SHISA9: variants seen among roughly 807,000 people sequenced by gnomAD.
SHISA9 encodes the protein shisa family member 9.
A neutral mutation model predicts 38.0 loss-of-function variants in SHISA9; 13 were observed. That is an observed-to-expected ratio of 0.34 (90% confidence interval 0.22 to 0.54). The LOEUF is 0.54. Ranked by LOEUF, SHISA9 falls within the 20% of genes least tolerant of loss-of-function variation. The pLI, the probability that SHISA9 is intolerant of heterozygous loss-of-function variation, is 0.91. For synonymous variants in SHISA9, 275 were observed against 242.0 expected (o/e 1.14, Z -1.27); for missense variants, 538 against 575.8 (o/e 0.93, Z 0.67).
downstream of SHISA9, among the ~76,000 whole-genome samples, chr16:13,243,372 G>A (rs2142097686): frequency 6.6e-6 from 1 of 152,160 alleles, no homozygotes; most frequent in East Asian, 1.9e-4. Flanking sequence ...ATTTTAGGGA[G>A]ACATGAGACA....
At chr16:13,140,078 C>CCTCTT (rs1292355855) in intron 2 of SHISA9, among the ~76,000 whole-genome samples, 1 of 137,428 alleles carries the variant, frequency 7.3e-6, no homozygotes, top group Non-Finnish European at 1.6e-5. Context: ...CTTCTCCTTT[C>CCTCTT]CTCTTCTCTT....
At chr16:13,491,442 G>C in the SHISA9 span, among the ~76,000 whole-genome samples, 300 of 148,720 alleles carry the variant, frequency 2.0e-3, no homozygotes, top group African/African-American at 7.1e-3. Flanking sequence ...AGGCTAACAA[G>C]TGTCAAGTAA....
At chr16:13,435,064 C>T in the SHISA9 span, among the ~76,000 whole-genome samples, 1 of 152,122 alleles carries the variant, frequency 6.6e-6, no homozygotes, top group African/African-American at 2.4e-5. Flanking sequence ...GTTCTTTTTT[C>T]AAACATACTT....
At chr16:12,926,581 C>T (rs990410331) in intron 2 of SHISA9, among the ~76,000 whole-genome samples, 1 of 152,110 alleles carries the variant, frequency 6.6e-6, no homozygotes, top group Non-Finnish European at 1.5e-5. Context: ...GAAAAGTAAT[C>T]ACGTAATTGC....
At chr16:13,499,826 C>T in the SHISA9 span, among the ~76,000 whole-genome samples, 2 of 152,230 alleles carry the variant, frequency 1.3e-5, no homozygotes, top group East Asian at 1.9e-4. Context: ...ATTCTCAGAC[C>T]TTTTGTCCTT....
At chr16:13,344,772 T>TAATGATATATGCCC in the SHISA9 span, among the ~76,000 whole-genome samples, 1 of 152,074 alleles carries the variant, frequency 6.6e-6, no homozygotes, top group Non-Finnish European at 1.5e-5. Context: ...GCCCCAAATC[T>TAATGATATATGCCC]CACAACCAGT....
At chr16:13,054,608 AT>A (rs1784153372) in intron 2 of SHISA9, among the ~76,000 whole-genome samples, 1 of 152,198 alleles carries the variant, frequency 6.6e-6, no homozygotes, top group South Asian at 2.1e-4. Flanking sequence ...CAACAATGGG[AT>A]TTTGCTAAGG....
At chr16:13,311,512 CTGAT>C in the SHISA9 span, among the ~76,000 whole-genome samples, 1 of 152,124 alleles carries the variant, frequency 6.6e-6, no homozygotes, top group African/African-American at 2.4e-5. Context: ...GGAAAAGACT[CTGAT>C]TGGTCCAGCC....
chr16:12,980,541 T>A (rs1596562734), intron 2 of SHISA9, among the ~76,000 whole-genome samples: 1 of 152,106 alleles, frequency 6.6e-6, no homozygotes, highest in East Asian at 1.9e-4. Flanking sequence ...TTTAATAGTT[T>A]CTGAATTTTC....
chr16:13,523,918 G>C, the SHISA9 span, among the ~76,000 whole-genome samples: 1 of 152,242 alleles, frequency 6.6e-6, no homozygotes, highest in East Asian at 1.9e-4. Flanking sequence ...TGTCCTCTTT[G>C]ATCCTCATAA....
chr16:13,471,101 A>G, the SHISA9 span, among the ~76,000 whole-genome samples: 1 of 152,106 alleles, frequency 6.6e-6, no homozygotes, highest in Non-Finnish European at 1.5e-5. Flanking sequence ...CTTCTGGAGG[A>G]TAGAAAGGCT....
the SHISA9 span, among the ~76,000 whole-genome samples, chr16:13,485,687 C>T: frequency 6.6e-6 from 1 of 152,112 alleles, no homozygotes; most frequent in African/African-American, 2.4e-5. Flanking sequence ...TTGAAATATA[C>T]AATAAGTTAT....
At chr16:13,278,370 T>A in the SHISA9 span, among the ~76,000 whole-genome samples, 1 of 151,958 alleles carries the variant, frequency 6.6e-6, no homozygotes, top group Non-Finnish European at 1.5e-5. Context: ...TATCGGTCTG[T>A]AGTTTTCTCC....
chr16:13,560,917 G>C, the SHISA9 span, among the ~76,000 whole-genome samples: 2 of 152,134 alleles, frequency 1.3e-5, no homozygotes, highest in African/African-American at 4.8e-5. Flanking sequence ...AGGCTGGAGT[G>C]CAGTGGCACA....
At chr16:13,107,182 C>T (rs2073933787) in intron 2 of SHISA9, among the ~76,000 whole-genome samples, 4 of 152,014 alleles carry the variant, frequency 2.6e-5, no homozygotes, top group Admixed American at 2.6e-4. Flanking sequence ...CCTATAATCC[C>T]AGCACTTTGG....
At chr16:13,187,187 G>T (rs573129556) in intron 2 of SHISA9, among the ~76,000 whole-genome samples, 52 of 152,274 alleles carry the variant, frequency 3.4e-4, no homozygotes, top group South Asian at 2.5e-3. Context: ...GACAACTTAT[G>T]CATTGCTGGG....
At chr16:13,378,187 G>A in the SHISA9 span, among the ~76,000 whole-genome samples, 4 of 152,222 alleles carry the variant, frequency 2.6e-5, no homozygotes, top group Non-Finnish European at 5.9e-5. Flanking sequence ...AAGAGAAGAA[G>A]TTAATGACCC....
At chr16:12,932,579 G>T (rs1596536244) in intron 2 of SHISA9, among the ~76,000 whole-genome samples, 1 of 152,288 alleles carries the variant, frequency 6.6e-6, no homozygotes, top group African/African-American at 2.4e-5. Flanking sequence ...CTGACCTCAG[G>T]TGATCTGCCC....
At chr16:12,912,428 A>T (rs149327643) in intron 1 of SHISA9, among the ~76,000 whole-genome samples, 2 of 152,174 alleles carry the variant, frequency 1.3e-5, no homozygotes, top group Admixed American at 6.5e-5. Flanking sequence ...AAGCCTGAAT[A>T]GTTCGGAGTT....
Sources: allele counts gnomAD v4.1 joint callset (sites outside exome capture counted in the v4.1 genomes callset), GRCh38; gene constraint gnomAD v4.1.1; transcripts MANE v1.5; gene names NCBI Gene and HGNC (gene_info 2026-07-23, HGNC 2026-07-21).